Variants in UBAC1 observed in about 807,000 individuals in gnomAD.
UBAC1 encodes UBA domain containing 1, also known as ubiquitin-associated domain-containing protein 1.
In UBAC1, 27 loss-of-function variants were observed where a neutral mutation model predicts 45.9. The ratio of observed to expected loss-of-function variants is 0.59; its 90% CI spans 0.43 to 0.81. UBAC1 has a LOEUF of 0.81. Ranked by LOEUF, UBAC1 falls within the 30% of genes least tolerant of loss-of-function variation. The pLI, the probability that UBAC1 is intolerant of heterozygous loss-of-function variation, is 0.00. For missense variants in UBAC1, 529 were observed against 539.2 expected, an observed-to-expected ratio of 0.98 and a Z score of 0.19; for synonymous variants, 227 against 215.5, an observed-to-expected ratio of 1.05 and a Z score of -0.47.
At chr9:135,960,469 C>A (rs1211564684) in intron 1 of UBAC1, among the ~76,000 whole-genome samples, 2 of 152,132 alleles carry the variant, frequency 1.3e-5, no homozygotes, top group Non-Finnish European at 2.9e-5. Context: ...GGCACAGTGG[C>A]CTGGGGCCAG....
intron 9 of UBAC1, among the ~76,000 whole-genome samples, chr9:135,936,858 C>T (rs1240872474): frequency 6.6e-6 from 1 of 152,168 alleles, no homozygotes; most frequent in Non-Finnish European, 1.5e-5. Context: ...GACATCAAAA[C>T]ACGGGATTCT....
In UBAC1 at chr9:135,955,349, C is replaced by G. The variant is rs1169972000; in HGVS notation, c.205G>C (p.Glu69Gln). Residue 69 changes from glutamate (E) to glutamine (Q), a missense_variant, in exon 2 of 10, where the codon GAG becomes CAG. Coordinates refer to ENST00000371756, the MANE Select transcript of UBAC1 (RefSeq NM_016172.3). ...GTCCTGGCATCACTCAGCACCCTCT[C>G]TGAGGCAGCGTGGATTAATTTATGA... ...THHKLIHAASERVLSDARTIL... is the reference protein window; with the variant it reads ...THHKLIHAASQRVLSDARTIL... The G allele has an allele frequency of 6.2e-7, 1 of 1,608,384 alleles. No individual in the cohort carries two copies. Among genetic ancestry groups the G allele is most frequent in the Non-Finnish European group, 8.5e-7 (1 of 1,178,600 alleles).
Position 135,942,587 on chromosome 9 carries a change from G to A in UBAC1, c.876+2441C>T, listed in dbSNP as rs1839282424. On this transcript the variant is annotated intron_variant, in intron 7 of 9. Transcript: ENST00000371756. ...GCATCATTTGAGCCCAGGAGGTCAAGGCTGCAGTGAGCCATGATTGTGCCA... is the reference window on the plus strand; with the variant it reads ...GCATCATTTGAGCCCAGGAGGTCAAAGCTGCAGTGAGCCATGATTGTGCCA... Among the ~76,000 whole-genome samples, 3 of 151,800 alleles carry A rather than the reference G, an allele frequency of 2.0e-5. No homozygotes were observed. In the South Asian group the frequency reaches 6.2e-4, roughly 32 times the overall value.
intron 3 of UBAC1, 66 bp from the exon 4 acceptor site, chr9:135,947,971 G>C (rs1839358406): frequency 7.0e-6 from 10 of 1,433,946 alleles, no homozygotes; most frequent in South Asian, 5.0e-5. Flanking sequence ...GATGACAACT[G>C]AATCAGCGGA....
chr9:135,956,425 C>G (rs568174282), intron 1 of UBAC1, among the ~76,000 whole-genome samples: 1 of 152,268 alleles, frequency 6.6e-6, no homozygotes, highest in African/African-American at 2.4e-5. Flanking sequence ...GGGCTAGGCG[C>G]GTCGGCTCAC....
At chr9:135,955,488 C>A in intron 1 of UBAC1, 73 bp from the exon 2 acceptor site, 1 of 1,377,406 alleles carries the variant, frequency 7.3e-7, no homozygotes, top group Non-Finnish European at 9.6e-7. Flanking sequence ...CCTGGCATCC[C>A]AAGCTACACC....
intron 3 of UBAC1, among the ~76,000 whole-genome samples, chr9:135,953,078 G>A (rs537954789): frequency 4.6e-5 from 7 of 152,280 alleles, no homozygotes; most frequent in African/African-American, 9.6e-5. Context: ...GGACAGCAGC[G>A]CGGGAGTGAA....
chr9:135,955,506 T>C, intron 1 of UBAC1, 91 bp from the exon 2 acceptor site: 2 of 1,329,450 alleles, frequency 1.5e-6, no homozygotes, highest in Non-Finnish European at 2.0e-6. Flanking sequence ...ACCAGGAATT[T>C]ACTGGGTTTT....
intron 1 of UBAC1, among the ~76,000 whole-genome samples, chr9:135,960,140 A>C (rs376925493): frequency 2.0e-5 from 3 of 152,236 alleles, no homozygotes; most frequent in African/African-American, 7.2e-5. Flanking sequence ...CGCCACTAGA[A>C]AATTGCAGCC....
chr9:135,938,936 T>G (rs1236736549), intron 8 of UBAC1, among the ~76,000 whole-genome samples: 1 of 151,830 alleles, frequency 6.6e-6, no homozygotes, highest in East Asian at 1.9e-4. Context: ...GGGCTGGGAG[T>G]GGTGGCTCAT....
At chr9:135,959,071 C>A (rs970372188) in intron 1 of UBAC1, among the ~76,000 whole-genome samples, 1 of 152,236 alleles carries the variant, frequency 6.6e-6, no homozygotes, top group Non-Finnish European at 1.5e-5. Flanking sequence ...GAGTAGGTAT[C>A]TGTGGATCAA....
In UBAC1 at chr9:135,935,415, G is replaced by A. The variant is rs1015194871; in HGVS notation, c.1103-1900C>T. ...AATCCCAGCACTCTAGAAGGCAGAG[G>A]TGGGGGGAGCGCTTGAAGCCAGGAG... On this transcript the variant is annotated intron_variant, in intron 9 of 9. Coordinates refer to ENST00000371756, the MANE Select transcript of UBAC1 (RefSeq NM_016172.3). Among the ~76,000 whole-genome samples the A allele has an allele frequency of 2.0e-5, 3 of 152,168 alleles. No individual in the cohort carries two copies. In the South Asian group the frequency reaches 6.2e-4, roughly 31 times the overall value.
At chr9:135,936,499 CTT>C (rs202151720) in intron 9 of UBAC1, among the ~76,000 whole-genome samples, 13 of 141,712 alleles carry the variant, frequency 9.2e-5, no homozygotes, top group Non-Finnish European at 6.2e-5. Flanking sequence ...TTTCCTTTTT[CTT>C]TTTTTTTTTT....
rs1839164683 is a variant in UBAC1 at position 135,933,177 on chromosome 9, C to G, written c.*223G>C. On this transcript the variant is annotated 3_prime_UTR_variant, in exon 10 of 10. Transcript: ENST00000371756. Reference sequence around the variant, plus strand: ...TCACTCCACTTCCCAGTGCGACAACCACTTTTTTGTAAACACCTGTCAGAT... The same window carrying G: ...TCACTCCACTTCCCAGTGCGACAACGACTTTTTTGTAAACACCTGTCAGAT... 1.9e-6 allele frequency: 1 copy of G among 525,578 alleles called. No individual in the cohort carries two copies. Among genetic ancestry groups the G allele is most frequent in the African/African-American group, 1.9e-5 (1 of 52,274 alleles). The allele number at this position is 525,578 out of a possible 1,614,324, so 32.6% of individuals were successfully genotyped here.
In UBAC1 at chr9:135,938,575, C is replaced by T. The variant is rs1343668687; in HGVS notation, c.964-215G>A. On this transcript the variant is annotated intron_variant, in intron 8 of 9. Coordinates refer to ENST00000371756, the MANE Select transcript of UBAC1 (RefSeq NM_016172.3). ...CAGGCCAGAGAAGGAAGAGCTAGTCCGCTTTTCTCTGCAGACCCTGGTGTC... is the reference window on the plus strand; with the variant it reads ...CAGGCCAGAGAAGGAAGAGCTAGTCTGCTTTTCTCTGCAGACCCTGGTGTC... 2.0e-5 allele frequency among the ~76,000 whole-genome samples: 3 copies of T among 152,398 alleles called. No homozygotes were observed. The East Asian group carries it at 5.8e-4, about 29-fold the overall frequency.
chr9:135,937,156 G>C (rs1839210848), intron 9 of UBAC1, among the ~76,000 whole-genome samples: 1 of 152,126 alleles, frequency 6.6e-6, no homozygotes, highest in South Asian at 2.1e-4. Flanking sequence ...CCAACATCCA[G>C]GAACTCAGCT....
intron 3 of UBAC1, among the ~76,000 whole-genome samples, chr9:135,952,835 C>G (rs995814087): frequency 6.6e-6 from 1 of 152,224 alleles, no homozygotes; most frequent in South Asian, 2.1e-4. Flanking sequence ...CATTTTGGCA[C>G]TCAAAAAGTT....
chr9:135,953,539 T>C (rs1839431257), intron 3 of UBAC1, 141 bp downstream of exon 3: 1 of 564,774 alleles, frequency 1.8e-6, no homozygotes, highest in Non-Finnish European at 3.1e-6. Flanking sequence ...AGGATGGTCT[T>C]GATCTCTTGA....
At position 135,961,010 on chromosome 9, in the gene UBAC1, G is replaced by T. The variant is rs767912104; in HGVS notation, c.138+15C>A. 75 of 1,536,066 alleles carry T rather than the reference G, an allele frequency of 4.9e-5. No homozygotes were observed. The highest frequency in any genetic ancestry group is 6.2e-5 in the Non-Finnish European group (71 of 1,145,456). On this transcript the variant is annotated intron_variant, in intron 1 of 9. Coordinates refer to ENST00000371756, the MANE Select transcript of UBAC1 (RefSeq NM_016172.3). ...GGAGCGGGTGTTGGGGGCAGGGGAGGGGGCCCGGCCTTACGTGCTTGAGGC... is the reference window on the plus strand; with the variant it reads ...GGAGCGGGTGTTGGGGGCAGGGGAGTGGGCCCGGCCTTACGTGCTTGAGGC...
Sources: allele counts gnomAD v4.1 joint callset (sites outside exome capture counted in the v4.1 genomes callset), GRCh38; gene constraint gnomAD v4.1.1; transcripts MANE v1.5; gene names NCBI Gene and HGNC (gene_info 2026-07-23, HGNC 2026-07-21).